The following ARL15 variants were observed in gnomAD, a reference collection of about 807,000 sequenced individuals.
The protein encoded by ARL15 is ARF like GTPase 15.
In ARL15, 19 loss-of-function variants were observed where a neutral mutation model predicts 25.2. The ratio of observed to expected loss-of-function variants is 0.75; its 90% CI spans 0.53 to 1.10. The LOEUF is 1.10. ARL15 is among the 50% of genes least tolerant of loss of function. ARL15 has a pLI of 0.00. For synonymous variants in ARL15, 94 were observed against 86.8 expected (o/e 1.08, Z -0.46); for missense variants, 220 against 246.0 (o/e 0.89, Z 0.71).
intron 3 of ARL15, among the ~76,000 whole-genome samples, chr5:54,143,331 T>C (rs573303683): frequency 2.0e-5 from 3 of 152,186 alleles, no homozygotes; most frequent in Middle Eastern, 3.5e-3. Context: ...AGTATATCAA[T>C]ATGAAATCTT....
intron 4 of ARL15, among the ~76,000 whole-genome samples, chr5:53,973,545 G>A (rs1747821020): frequency 6.9e-6 from 1 of 144,620 alleles, no homozygotes; most frequent in South Asian, 2.2e-4. Flanking sequence ...TTGCGCTCCA[G>A]CCTGGGCAAC....
At chr5:54,061,534 C>T (rs984947010) in intron 4 of ARL15, among the ~76,000 whole-genome samples, 6 of 152,136 alleles carry the variant, frequency 3.9e-5, no homozygotes, top group South Asian at 2.1e-4. Flanking sequence ...CGCTTGAACC[C>T]GGGAGGTGGA....
chr5:53,993,572 A>C (rs1748575230), intron 4 of ARL15, among the ~76,000 whole-genome samples: 1 of 152,120 alleles, frequency 6.6e-6, no homozygotes, highest in South Asian at 2.1e-4. Context: ...TGCACCTTTT[A>C]CCTTGCCTAT....
intron 4 of ARL15, among the ~76,000 whole-genome samples, chr5:53,962,482 T>C (rs1024519671): frequency 3.3e-5 from 5 of 152,126 alleles, no homozygotes; most frequent in African/African-American, 1.2e-4. Context: ...TTATCAATAA[T>C]TGGAACCATA....
intron 4 of ARL15, among the ~76,000 whole-genome samples, chr5:54,106,107 TC>T (rs1272035898): frequency 1.3e-5 from 2 of 152,110 alleles, no homozygotes; most frequent in East Asian, 3.9e-4. Flanking sequence ...TTAAAAAAAG[TC>T]CACAAATAGA....
chr5:53,963,414 A>AAAGGC, intron 4 of ARL15, among the ~76,000 whole-genome samples: 1 of 152,344 alleles, frequency 6.6e-6, no homozygotes, highest in Non-Finnish European at 1.5e-5. Flanking sequence ...TTCTGACATG[A>AAAGGC]AAGGCAAGTT....
intron 4 of ARL15, among the ~76,000 whole-genome samples, chr5:53,923,996 T>C (rs555978724): frequency 6.6e-6 from 1 of 152,096 alleles, no homozygotes; most frequent in Non-Finnish European, 1.5e-5. Context: ...TGAAGGAAAA[T>C]TTTCAATTAG....
intron 4 of ARL15, among the ~76,000 whole-genome samples, chr5:53,955,409 G>C (rs1747113120): frequency 6.6e-6 from 1 of 152,030 alleles, no homozygotes; most frequent in African/African-American, 2.4e-5. Flanking sequence ...TGAAATTAAA[G>C]CTCCAAAACT....
At chr5:54,002,228 C>T (rs1440160077) in intron 4 of ARL15, among the ~76,000 whole-genome samples, 1 of 152,070 alleles carries the variant, frequency 6.6e-6, no homozygotes, top group Admixed American at 6.6e-5. Context: ...TAAAGCAAAG[C>T]CAATTTAATA....
chr5:54,041,367 A>G (rs950666038), intron 4 of ARL15, among the ~76,000 whole-genome samples: 17 of 152,330 alleles, frequency 1.1e-4, no homozygotes, highest in Admixed American at 7.8e-4. Flanking sequence ...TGAAAACTAC[A>G]TCTGCACAAC....
chr5:53,889,810 G>GTTTT (rs35947755), intron 4 of ARL15, among the ~76,000 whole-genome samples: 2 of 135,860 alleles, frequency 1.5e-5, no homozygotes, highest in Non-Finnish European at 3.1e-5. Context: ...AGTTCTGACT[G>GTTTT]TTTTTTTTTT....
At chr5:54,126,552 C>T (rs968067724) in intron 3 of ARL15, among the ~76,000 whole-genome samples, 1 of 152,176 alleles carries the variant, frequency 6.6e-6, no homozygotes, top group Non-Finnish European at 1.5e-5. Flanking sequence ...TGAATGTGTC[C>T]CCCAAAAAGC....
chr5:54,290,988 T>C (rs1758306365), intron 1 of ARL15, among the ~76,000 whole-genome samples: 1 of 152,220 alleles, frequency 6.6e-6, no homozygotes, highest in Non-Finnish European at 1.5e-5. Flanking sequence ...AATCAGTACT[T>C]CTATATTAAC....
intron 1 of ARL15, among the ~76,000 whole-genome samples, chr5:54,202,343 C>A (rs1755748529): frequency 6.6e-6 from 1 of 152,072 alleles, no homozygotes; most frequent in African/African-American, 2.4e-5. Flanking sequence ...CTGAATTAAT[C>A]CAGGTAGGCT....
At chr5:53,914,897 A>T (rs1197157010) in intron 4 of ARL15, among the ~76,000 whole-genome samples, 1 of 151,148 alleles carries the variant, frequency 6.6e-6, no homozygotes, top group East Asian at 1.9e-4. Flanking sequence ...TGCAACCTCC[A>T]CCTCTCTGGT....
intron 4 of ARL15, among the ~76,000 whole-genome samples, chr5:53,987,213 A>G (rs1396043619): frequency 6.6e-6 from 1 of 152,176 alleles, no homozygotes; most frequent in Non-Finnish European, 1.5e-5. Context: ...GTACATTAAC[A>G]ATGAAGTATA....
At chr5:54,036,373 A>G (rs1319120955) in intron 4 of ARL15, among the ~76,000 whole-genome samples, 1 of 152,192 alleles carries the variant, frequency 6.6e-6, no homozygotes, top group African/African-American at 2.4e-5. Flanking sequence ...AATATGTTAA[A>G]TAGAAATGCT....
intron 3 of ARL15, among the ~76,000 whole-genome samples, chr5:54,135,923 C>A (rs1384462263): frequency 6.6e-6 from 1 of 152,142 alleles, no homozygotes; most frequent in Non-Finnish European, 1.5e-5. Context: ...ACAGGTTAGA[C>A]CACTGCCCAC....
intron 4 of ARL15, among the ~76,000 whole-genome samples, chr5:54,021,675 A>G (rs1749607554): frequency 6.6e-6 from 1 of 152,174 alleles, no homozygotes; most frequent in Non-Finnish European, 1.5e-5. Flanking sequence ...GAAGTTTCAG[A>G]GGGAAAAAAG....
Sources: allele counts gnomAD v4.1 joint callset (sites outside exome capture counted in the v4.1 genomes callset), GRCh38; gene constraint gnomAD v4.1.1; transcripts MANE v1.5; gene names NCBI Gene and HGNC (gene_info 2026-07-23, HGNC 2026-07-21).